The following STAU2 variants were observed in gnomAD, a reference collection of about 807,000 sequenced individuals.
The protein encoded by STAU2 is staufen double-stranded RNA binding protein 2.
Under a neutral mutation model 65.9 loss-of-function variants are expected in STAU2, and 20 were observed. That is an observed-to-expected ratio of 0.30 (90% CI 0.21 to 0.44). The LOEUF is 0.44. Among genes scored for constraint, STAU2 ranks in the 20% least tolerant of loss-of-function variants. STAU2 has a pLI of 1.00. For synonymous variants in STAU2, 232 were observed against 233.9 expected, an observed-to-expected ratio of 0.99 and a Z score of 0.07; for missense variants, 558 against 683.9, an observed-to-expected ratio of 0.82 and a Z score of 2.05.
chr8:73,705,710 C>T (rs1413245416), intron 4 of STAU2, among the ~76,000 whole-genome samples: 2 of 152,018 alleles, frequency 1.3e-5, no homozygotes, highest in African/African-American at 4.8e-5. Flanking sequence ...TAAAAGAAGA[C>T]AAGGCAAAGA....
chr8:73,572,012 TAA>T (rs1209752521), intron 12 of STAU2, among the ~76,000 whole-genome samples: 2 of 151,818 alleles, frequency 1.3e-5, no homozygotes, highest in Non-Finnish European at 2.9e-5. Context: ...GCAAGACTAA[TAA>T]AGATGAAAAG....
intron 4 of STAU2, among the ~76,000 whole-genome samples, chr8:73,692,892 G>A (rs1310960192): frequency 2.6e-5 from 4 of 152,224 alleles, no homozygotes. Flanking sequence ...AGGTGTGGTG[G>A]CTTATGCCTG....
At chr8:73,677,239 T>C (rs1408572005) in intron 5 of STAU2, among the ~76,000 whole-genome samples, 1 of 152,202 alleles carries the variant, frequency 6.6e-6, no homozygotes, top group Non-Finnish European at 1.5e-5. Flanking sequence ...CAAATGTTGA[T>C]GAGGATGTGG....
chr8:73,573,354 T>A (rs1010762886), intron 12 of STAU2, among the ~76,000 whole-genome samples: 1 of 152,210 alleles, frequency 6.6e-6, no homozygotes, highest in Non-Finnish European at 1.5e-5. Flanking sequence ...TTCAATGCCA[T>A]TCCCATCAAG....
chr8:73,686,840 T>C (rs180694154), intron 5 of STAU2, among the ~76,000 whole-genome samples: 35 of 151,564 alleles, frequency 2.3e-4, no homozygotes, highest in African/African-American at 8.0e-4. Context: ...AGTAATTTAC[T>C]TAGCAGTATT....
rs1422522359 is a variant in STAU2, at chr8:73,530,513, GA to G, written c.1530+21498del. Among the ~76,000 whole-genome samples, 11 of 152,290 alleles carry G rather than the reference GA, an allele frequency of 7.2e-5. No homozygotes were observed. In the East Asian group the frequency reaches 2.1e-3, roughly 29 times the overall value. On this transcript the variant is annotated intron_variant, in intron 13 of 14. Coordinates refer to ENST00000524300, the MANE Select transcript of STAU2 (RefSeq NM_001164380.2). Reference sequence around the variant, plus strand: ...TTCCAGCTAGTGGGTAGCTCTAAGAGAATAGCTGATACAGAGTGGGAATACC... The same window carrying G: ...TTCCAGCTAGTGGGTAGCTCTAAGAGATAGCTGATACAGAGTGGGAATACC...
intron 13 of STAU2, among the ~76,000 whole-genome samples, chr8:73,533,542 TC>T (rs993829822): frequency 1.3e-5 from 2 of 152,206 alleles, no homozygotes; most frequent in Non-Finnish European, 2.9e-5. Flanking sequence ...TCTAAAGACT[TC>T]CTTTTTTCTG....
intron 8 of STAU2, among the ~76,000 whole-genome samples, chr8:73,614,800 T>C (rs1812717378): frequency 6.6e-6 from 1 of 152,114 alleles, no homozygotes; most frequent in African/African-American, 2.4e-5. Context: ...TTTTTACAGG[T>C]TTTCCAAATT....
At chr8:73,714,887 G>T (rs1821133226) in intron 3 of STAU2, among the ~76,000 whole-genome samples, 1 of 152,122 alleles carries the variant, frequency 6.6e-6, no homozygotes, top group Non-Finnish European at 1.5e-5. Context: ...TTCCAGACCA[G>T]CCTGGCCAAC....
At chr8:73,605,598 C>T (rs112806114) in intron 9 of STAU2, among the ~76,000 whole-genome samples, 9 of 151,750 alleles carry the variant, frequency 5.9e-5, no homozygotes, top group Non-Finnish European at 7.4e-5. Context: ...CATGAGCCAC[C>T]GCACCTGGCC....
At chr8:73,530,476 G>C (rs1468108622) in intron 13 of STAU2, among the ~76,000 whole-genome samples, 2 of 152,194 alleles carry the variant, frequency 1.3e-5, no homozygotes, top group Non-Finnish European at 2.9e-5. Flanking sequence ...AGCCTGATGA[G>C]AAATACAGTA....
chr8:73,561,621 C>T (rs1808238886), intron 12 of STAU2: 1 of 442,596 alleles, frequency 2.3e-6, no homozygotes, highest in Admixed American at 2.5e-5. Flanking sequence ...CAGGAAGAAA[C>T]ACATACTGAA....
chr8:73,478,339 AT>A (rs1376021521), intron 13 of STAU2, among the ~76,000 whole-genome samples: 16 of 151,882 alleles, frequency 1.1e-4, no homozygotes, highest in East Asian at 7.7e-4. Context: ...CGAAAAAAAA[AT>A]ATCTCAAAAT....
In STAU2 at chr8:73,443,422, A is replaced by G. The variant is rs114087364; in HGVS notation, c.1531-20720T>C. On this transcript the variant is annotated intron_variant, in intron 13 of 14. Coordinates refer to ENST00000524300, the MANE Select transcript of STAU2 (RefSeq NM_001164380.2). Reference sequence around the variant, plus strand: ...CATTTCAAAGGAGGAAAACGAATGAATGAATACATGCATAGAAAGCAACAA... The same window carrying G: ...CATTTCAAAGGAGGAAAACGAATGAGTGAATACATGCATAGAAAGCAACAA... Among the ~76,000 whole-genome samples the G allele has an allele frequency of 3.5e-3, 531 of 152,356 alleles. 4 individuals are homozygous for G. The highest frequency in any genetic ancestry group is 0.012 in the African/African-American group (507 of 41,584).
chr8:73,685,930 A>C (rs1341117276), intron 5 of STAU2, among the ~76,000 whole-genome samples: 1 of 152,220 alleles, frequency 6.6e-6, no homozygotes. Context: ...CGAACGGATA[A>C]AGAAAATGTG....
At chr8:73,711,848 C>T (rs1446778343) in intron 3 of STAU2, among the ~76,000 whole-genome samples, 1 of 152,008 alleles carries the variant, frequency 6.6e-6, no homozygotes, top group Non-Finnish European at 1.5e-5. Context: ...TTTGATAAAG[C>T]TTCAAAATTA....
intron 13 of STAU2, among the ~76,000 whole-genome samples, chr8:73,436,096 T>C (rs1355222828): frequency 6.6e-6 from 1 of 152,006 alleles, no homozygotes; most frequent in African/African-American, 2.4e-5. Context: ...AAGCAATTGA[T>C]AAAACCTTAC....
At chr8:73,652,736 A>C (rs1816001962) in intron 6 of STAU2, 1 of 151,994 alleles carries the variant, frequency 6.6e-6, no homozygotes, top group Non-Finnish European at 1.5e-5. Flanking sequence ...AAAAAAAAAA[A>C]AAACTGTTAT....
intron 6 of STAU2, among the ~76,000 whole-genome samples, chr8:73,642,946 T>A (rs1246665145): frequency 6.6e-6 from 1 of 152,188 alleles, no homozygotes; most frequent in Non-Finnish European, 1.5e-5. Flanking sequence ...AATAAAGGTC[T>A]GAAAAAGCAG....
Sources: gnomAD v4.1 joint callset for allele counts (sites outside exome capture counted in the v4.1 genomes callset) on GRCh38, gnomAD v4.1.1 for gene constraint, MANE v1.5 for transcripts, NCBI Gene and HGNC (gene_info 2026-07-23, HGNC 2026-07-21) for gene names.